The following PDXDC1 variants were observed in gnomAD, a reference collection of about 807,000 sequenced individuals.
PDXDC1 encodes pyridoxal dependent decarboxylase domain containing 1, also known as pyridoxal-dependent decarboxylase domain-containing protein 1.
PDXDC1 carries 42 observed loss-of-function variants against 100.1 expected under a neutral mutation model. That is an observed-to-expected ratio of 0.42 (90% CI 0.33 to 0.54). The LOEUF (loss-of-function observed/expected upper bound fraction) is 0.54. PDXDC1 is among the 20% of genes least tolerant of loss of function. PDXDC1 has a pLI of 0.10. For synonymous variants in PDXDC1, 260 were observed against 371.7 expected (o/e 0.70, Z 3.46); for missense variants, 636 against 979.2 (o/e 0.65, Z 4.68).
intron 16 of PDXDC1, chr16:15,126,635 C>A (rs1232758713): frequency 7.0e-6 from 1 of 143,260 alleles, no homozygotes; most frequent in Admixed American, 7.3e-5. Context: ...AGGCTCTGAG[C>A]CTGAGCTTTT....
intron 16 of PDXDC1, chr16:15,047,944 A>C: frequency 6.2e-7 from 1 of 1,609,596 alleles, no homozygotes; most frequent in Non-Finnish European, 8.5e-7. Context: ...AAATAAAATA[A>C]AATATCCAAT....
chr16:15,019,501 C>T (rs2042020763), intron 12 of PDXDC1, among the ~76,000 whole-genome samples: 1 of 152,294 alleles, frequency 6.6e-6, no homozygotes, highest in African/African-American at 2.4e-5. Flanking sequence ...GCTTCTATAA[C>T]AAAATACCTT....
At chr16:14,983,399 C>G (rs1334855454) in intron 1 of PDXDC1, among the ~76,000 whole-genome samples, 8 of 149,134 alleles carry the variant, frequency 5.4e-5, no homozygotes, top group Admixed American at 4.8e-4. Flanking sequence ...GGTGAAACCC[C>G]GTCTCTACTA....
At chr16:15,021,529 G>A (rs1350459866) in intron 12 of PDXDC1, among the ~76,000 whole-genome samples, 6 of 152,410 alleles carry the variant, frequency 3.9e-5, no homozygotes, top group South Asian at 2.1e-4. Flanking sequence ...GTTTAGAGAC[G>A]ACTTGGGCAC....
At chr16:15,142,163 C>T (rs560941903), downstream of PDXDC1, among the ~76,000 whole-genome samples, 7 of 152,266 alleles carry the variant, frequency 4.6e-5, no homozygotes, top group African/African-American at 1.7e-4. Context: ...CTGGAAAATC[C>T]ATCAAGAGTG....
At chr16:15,048,000 C>A (rs1361638868) in intron 16 of PDXDC1, 1 of 1,610,570 alleles carries the variant, frequency 6.2e-7, no homozygotes, top group Admixed American at 1.7e-5. Context: ...AACCTACCAT[C>A]CTTTGGGGAG....
intron 16 of PDXDC1, among the ~76,000 whole-genome samples, chr16:15,053,193 G>C: frequency 6.6e-6 from 1 of 152,244 alleles, no homozygotes; most frequent in African/African-American, 2.4e-5. Flanking sequence ...CAGCTCCAGA[G>C]TCAAGGGCAG....
intron 4 of PDXDC1, among the ~76,000 whole-genome samples, chr16:15,002,993 A>G (rs545981154): frequency 6.6e-6 from 1 of 152,388 alleles, no homozygotes; most frequent in East Asian, 1.9e-4. Flanking sequence ...CCATGATCCT[A>G]TTAGGTGATT....
intron 16 of PDXDC1, among the ~76,000 whole-genome samples, chr16:15,057,516 A>G (rs934043081): frequency 1.3e-5 from 2 of 152,234 alleles, no homozygotes; most frequent in East Asian, 1.9e-4. Flanking sequence ...CTCCATCACT[A>G]TAAGATGCTC....
chr16:15,094,300 G>A (rs1349844069), intron 16 of PDXDC1: 3 of 1,356,666 alleles, frequency 2.2e-6, no homozygotes, highest in Non-Finnish European at 2.0e-6. Flanking sequence ...CACAGCCTCT[G>A]TCCCGGAAGT....
chr16:15,093,193 C>G (rs879354707), intron 16 of PDXDC1, among the ~76,000 whole-genome samples: 1 of 152,102 alleles, frequency 6.6e-6, no homozygotes, highest in African/African-American at 2.4e-5. Flanking sequence ...TCAGTAGAGA[C>G]GAGGTTTCGC....
chr16:15,034,506 C>T lies in PDXDC1; in HGVS notation c.1955C>T (p.Ser652Phe). ...GTGGGCTCCGTGCTGAATTGGTTTT[C>T]TCCGGTCCAGGCTTTACAGAAGGGA... ...PVVGSVLNWF[S>F]PVQALQKGRT... The change falls in exon 21 of 23, where the codon TCT (serine) becomes TTT (phenylalanine). Residue 652 changes from serine (S) to phenylalanine (F), a missense_variant. Coordinates refer to ENST00000396410, the MANE Select transcript of PDXDC1 (RefSeq NM_015027.4). The T allele has an allele frequency of 6.2e-7, 1 of 1,614,154 alleles. No individual in the cohort carries two copies. Among genetic ancestry groups the T allele is most frequent in the Non-Finnish European group, 8.5e-7 (1 of 1,180,028 alleles).
chr16:15,035,538 A>T lies in PDXDC1; in HGVS notation c.2092A>T (p.Lys698Ter). 6.2e-7 allele frequency: 1 copy of T among 1,609,134 alleles called. No individual in the cohort carries two copies. Among genetic ancestry groups the T allele is most frequent in the Non-Finnish European group, 8.5e-7 (1 of 1,176,938 alleles). ...TCCAACGCCCTCGGGCAGTCGCACC[A>T]AGCAGAGGCTTCCAGGTAAGTGACG... is the stretch of plus-strand genomic sequence containing the variant. Reference protein sequence around the residue: ...LPPTPSGSRTKQRLPGQKPFK... With the variant: ...LPPTPSGSRT The change falls in exon 22 of 23, where the codon AAG (lysine) becomes TAG (stop). Residue 698 changes from lysine (K) to a stop codon, truncating the protein, a stop_gained. Coordinates refer to ENST00000396410, the MANE Select transcript of PDXDC1 (RefSeq NM_015027.4). LOFTEE classifies it low-confidence loss of function (END_TRUNC).
rs898484516 is a variant in PDXDC1 at position 15,033,079 on chromosome 16, G to C, written c.1690+100G>C. 3 of 988,370 alleles carry C rather than the reference G, an allele frequency of 3.0e-6. 1 individual carries two copies. Among genetic ancestry groups the C allele is most frequent in the Non-Finnish European group, 4.8e-6 (3 of 630,188 alleles). The allele number at this position is 988,370 out of a possible 1,614,324, so 61.2% of individuals were successfully genotyped here. On this transcript the variant is annotated intron_variant, in intron 18 of 22. Coordinates refer to ENST00000396410, the MANE Select transcript of PDXDC1 (RefSeq NM_015027.4). Reference sequence around the variant, plus strand: ...ATCCCTTAGCGGGCTAGCGCCTCTCGGGCTGGGTTCCAGGCGAAGATGCGG... The same window carrying C: ...ATCCCTTAGCGGGCTAGCGCCTCTCCGGCTGGGTTCCAGGCGAAGATGCGG...
chr16:15,022,758 T>C lies in PDXDC1; in HGVS notation c.1140+4T>C. 2 of 1,606,862 alleles carry C rather than the reference T, an allele frequency of 1.2e-6. No individual in the cohort carries two copies. The highest frequency in any genetic ancestry group is 1.1e-5 in the South Asian group (1 of 90,164). On this transcript the variant is annotated splice_donor_region_variant and intron_variant, in intron 13 of 22. Coordinates refer to ENST00000396410, the MANE Select transcript of PDXDC1 (RefSeq NM_015027.4). ...AGTGAATTACATCAAAATCTTGGTATAGTATATAAGTTCATCTGTTTTCAA... is the reference window on the plus strand; with the variant it reads ...AGTGAATTACATCAAAATCTTGGTACAGTATATAAGTTCATCTGTTTTCAA...
chr16:15,031,979 C>A, intron 17 of PDXDC1, 73 bp downstream of exon 17: 2 of 1,272,418 alleles, frequency 1.6e-6, no homozygotes, highest in Non-Finnish European at 1.1e-6. Flanking sequence ...ATTTTCTGAA[C>A]CACCTTAGAA....
chr16:15,047,916 G>A, intron 16 of PDXDC1: 1 of 1,613,152 alleles, frequency 6.2e-7, no homozygotes, highest in Non-Finnish European at 8.5e-7. Flanking sequence ...GAATGGAGAT[G>A]GAGCCTGTTT....
At chr16:15,027,301 G>A (rs535441701) in intron 14 of PDXDC1, among the ~76,000 whole-genome samples, 6 of 152,410 alleles carry the variant, frequency 3.9e-5, no homozygotes, top group Admixed American at 3.3e-4. Context: ...ACCTCTAGGA[G>A]AGCATACAGA....
chr16:15,097,468 C>CAA (rs71152407), intron 16 of PDXDC1, among the ~76,000 whole-genome samples: 15,491 of 65,810 alleles, frequency 0.24, 2,055 homozygotes, highest in East Asian at 0.28. Flanking sequence ...ACTAAAAATA[C>CAA]AAAAAAAAAA....
Sources: gnomAD v4.1 joint callset for allele counts (sites outside exome capture counted in the v4.1 genomes callset) on GRCh38, gnomAD v4.1.1 for gene constraint, MANE v1.5 for transcripts, NCBI Gene and HGNC (gene_info 2026-07-23, HGNC 2026-07-21) for gene names.